Variants in RFTN1 observed in about 807,000 individuals in gnomAD.
RFTN1 encodes the protein raftlin, lipid raft linker 1, also known as raftlin.
A neutral mutation model predicts 46.5 loss-of-function variants in RFTN1; 26 were observed. The ratio of observed to expected loss-of-function variants is 0.56; its 90% CI spans 0.41 to 0.78. RFTN1 has a LOEUF of 0.78. RFTN1 is among the 30% of genes least tolerant of loss of function. The pLI, the probability that RFTN1 is intolerant of heterozygous loss-of-function variation, is 0.00. For synonymous variants in RFTN1, 261 were observed against 284.2 expected, an observed-to-expected ratio of 0.92 and a Z score of 0.82; for missense variants, 693 against 718.7, an observed-to-expected ratio of 0.96 and a Z score of 0.41.
Position 16,345,904 on chromosome 3 carries a change from A to G in RFTN1, c.1146+12028T>C, listed in dbSNP as rs1306134679. ...CTGTTTTACTGGAGAACCCTAATAC[A>G]CTTCTTTCTTGTTGTTCTGTGGCAT... is the stretch of plus-strand genomic sequence containing the variant. On this transcript the variant is annotated intron_variant, in intron 7 of 9. Coordinates refer to ENST00000334133, the MANE Select transcript of RFTN1 (RefSeq NM_015150.2). This position sits in a 1 kb window ranked among gnomAD's most constrained non-coding sequence, Gnocchi z 5.2. 1.3e-5 allele frequency: 2 copies of G among 151,562 alleles called. No homozygotes were observed. Among genetic ancestry groups the G allele is most frequent in the African/African-American group, 4.9e-5 (2 of 41,188 alleles). The allele number at this position is 151,562 out of a possible 1,614,324, so 9.4% of individuals were successfully genotyped here.
Position 16,376,361 on chromosome 3 carries a change from C to T in RFTN1, c.826+1357G>A, listed in dbSNP as rs1257596945. 6.6e-6 allele frequency among the ~76,000 whole-genome samples: 1 copy of T among 152,184 alleles called. No individual in the cohort carries two copies. The highest frequency in any genetic ancestry group is 1.5e-5 in the Non-Finnish European group (1 of 68,030). ...TTCTTGAGCACCATGCTCCTCACCTCTCCATCACTCCTGCCCTTTCTCCTG... is the reference window on the plus strand; with the variant it reads ...TTCTTGAGCACCATGCTCCTCACCTTTCCATCACTCCTGCCCTTTCTCCTG... On this transcript the variant is annotated intron_variant, in intron 5 of 9. Coordinates refer to ENST00000334133, the MANE Select transcript of RFTN1 (RefSeq NM_015150.2). The surrounding 1 kb of genome is among the most constrained non-coding windows in gnomAD (Gnocchi z 4.7).
In RFTN1 at chr3:16,358,064, A is replaced by T; in HGVS notation, c.1031-17T>A. 1.0e-4 allele frequency: 36 copies of T among 351,100 alleles called. No homozygotes were observed. Among genetic ancestry groups the T allele is most frequent in the Non-Finnish European group, 1.5e-4 (32 of 215,990 alleles). 21.7% of individuals were successfully genotyped at this position (351,100 alleles called of 1,614,324 possible). On this transcript the variant is annotated splice_polypyrimidine_tract_variant and intron_variant, in intron 6 of 9. Coordinates refer to ENST00000334133, the MANE Select transcript of RFTN1 (RefSeq NM_015150.2). ...GTAAGGAATCTGTGGAAAAAGAAAA[A>T]GGCGGGGGTGGGGGGGGTCTGTAAA... is the stretch of plus-strand genomic sequence containing the variant.
At chr3:16,444,325 C>T (rs917663344) in intron 2 of RFTN1, among the ~76,000 whole-genome samples, 4 of 152,174 alleles carry the variant, frequency 2.6e-5, no homozygotes, top group African/African-American at 9.7e-5. Context: ...ACTGGATTTA[C>T]AATGTAAAAT....
chr3:16,392,718 T>C lies in RFTN1; in HGVS notation c.442-14616A>G, dbSNP rs139514062. On this transcript the variant is annotated intron_variant, in intron 4 of 9. Transcript: ENST00000334133. ...ATCATAAATAAAAGTCTGGAAATTT[T>C]CCTGGTGATAACAGCAAATTCCATA... Among the ~76,000 whole-genome samples the C allele has an allele frequency of 2.6e-5, 4 of 152,138 alleles. No homozygotes were observed. The East Asian group carries it at 5.8e-4, about 22-fold the overall frequency.
chr3:16,488,097 T>C (rs1427873964), intron 2 of RFTN1, among the ~76,000 whole-genome samples: 1 of 134,022 alleles, frequency 7.5e-6, no homozygotes, highest in Non-Finnish European at 1.6e-5. Context: ...ACTGTGATCC[T>C]GACTTTTTTT....
intron 9 of RFTN1, among the ~76,000 whole-genome samples, chr3:16,318,917 T>C (rs992367841): frequency 2.3e-4 from 35 of 152,178 alleles, no homozygotes; most frequent in African/African-American, 8.2e-4. Flanking sequence ...AAGTGGTGTC[T>C]CAGACCCACC....
chr3:16,346,563 C>A lies in RFTN1; in HGVS notation c.1146+11369G>T, dbSNP rs1029058434. 1 of 152,212 alleles carries A rather than the reference C, an allele frequency of 6.6e-6. No homozygotes were observed. The highest frequency in any genetic ancestry group is 2.4e-5 in the African/African-American group (1 of 41,428). The allele number at this position is 152,212 out of a possible 1,614,324, so 9.4% of individuals were successfully genotyped here. A position where few individuals can be genotyped will look rare whatever the true frequency, so the allele number is the denominator to read the frequency against. On this transcript the variant is annotated intron_variant, in intron 7 of 9. Coordinates refer to ENST00000334133, the MANE Select transcript of RFTN1 (RefSeq NM_015150.2). The surrounding 1 kb of genome is among the most constrained non-coding windows in gnomAD (Gnocchi z 4.4). ...TCTGTTGGCTGCCAAAGCCAACAGC[C>A]CCTCGATGGCCCAGGGCTTCTTCCT... is the stretch of plus-strand genomic sequence containing the variant.
chr3:16,438,489 G>A (rs1299945840), intron 2 of RFTN1, among the ~76,000 whole-genome samples: 1 of 148,866 alleles, frequency 6.7e-6, no homozygotes, highest in Admixed American at 6.8e-5. Flanking sequence ...GGGGGCTGAG[G>A]AGGGAGGATC....
At chr3:16,375,257 A>G (rs1322287426) in intron 5 of RFTN1, among the ~76,000 whole-genome samples, 1 of 151,980 alleles carries the variant, frequency 6.6e-6, no homozygotes, top group African/African-American at 2.4e-5. Context: ...GCTTCCTAGG[A>G]GAAAGATTAG....
Position 16,337,674 on chromosome 3 carries a change from G to A in RFTN1, c.1147-10798C>T, listed in dbSNP as rs1218377706. Among the ~76,000 whole-genome samples the A allele has an allele frequency of 1.3e-5, 2 of 151,494 alleles. No individual in the cohort carries two copies. Among genetic ancestry groups the A allele is most frequent in the African/African-American group, 4.9e-5 (2 of 41,160 alleles). On this transcript the variant is annotated intron_variant, in intron 7 of 9. Coordinates refer to ENST00000334133, the MANE Select transcript of RFTN1 (RefSeq NM_015150.2). This position sits in a 1 kb window ranked among gnomAD's most constrained non-coding sequence, Gnocchi z 5.0. ...GGAGAATCGCTTGAACCCAGGAGGC[G>A]GAGGTTGCAGTGAGCCCAGATTGCG...
chr3:16,488,287 T>A (rs1291311834), intron 2 of RFTN1, among the ~76,000 whole-genome samples: 1 of 152,140 alleles, frequency 6.6e-6, no homozygotes, highest in Non-Finnish European at 1.5e-5. Flanking sequence ...TTAGTAGAGA[T>A]GGGGTTTCTC....
At position 16,316,479 on chromosome 3, in the gene RFTN1, G is replaced by A. The variant is rs994621466; in HGVS notation, c.*349C>T. The stretch of plus-strand genomic sequence containing the variant: ...CCCAGGGTGTCCATGGATTTGACCC[G>A]AATGCTCCCTGGAGGCCCTGTGGCG... On this transcript the variant is annotated 3_prime_UTR_variant, in exon 10 of 10. Coordinates refer to ENST00000334133, the MANE Select transcript of RFTN1 (RefSeq NM_015150.2). The surrounding 1 kb of genome is among the most constrained non-coding windows in gnomAD (Gnocchi z 4.5). 4 of 323,020 alleles carry A rather than the reference G, an allele frequency of 1.2e-5. No individual in the cohort carries two copies. The highest frequency in any genetic ancestry group is 4.4e-5 in the African/African-American group (2 of 44,994). The allele number at this position is 323,020 out of a possible 1,614,324, so 20.0% of individuals were successfully genotyped here.
At position 16,450,183 on chromosome 3, in the gene RFTN1, C is replaced by T. The variant is rs2075800017; in HGVS notation, c.146-16146G>A. On this transcript the variant is annotated intron_variant, in intron 2 of 9. Transcript: ENST00000334133. The surrounding 1 kb of genome is among the most constrained non-coding windows in gnomAD (Gnocchi z 4.6). ...TCAGCTTCTCCACTTTCCTTCCTAA[C>T]CCACAATTTTTAATTTCCTCTACTA... is the stretch of plus-strand genomic sequence containing the variant. Among the ~76,000 whole-genome samples the T allele has an allele frequency of 6.6e-6, 1 of 152,196 alleles. No individual in the cohort carries two copies. The highest frequency in any genetic ancestry group is 2.4e-5 in the African/African-American group (1 of 41,450).
At position 16,451,482 on chromosome 3, in the gene RFTN1, G is replaced by T. The variant is rs2075822718; in HGVS notation, c.146-17445C>A. ...CAAACCTGTTTATGCCAGTTGCACTGGTTATAATGAATAAGCCTAATCAAA... is the reference window on the plus strand; with the variant it reads ...CAAACCTGTTTATGCCAGTTGCACTTGTTATAATGAATAAGCCTAATCAAA... On this transcript the variant is annotated intron_variant, in intron 2 of 9. Coordinates refer to ENST00000334133, the MANE Select transcript of RFTN1 (RefSeq NM_015150.2). This position sits in a 1 kb window ranked among gnomAD's most constrained non-coding sequence, Gnocchi z 4.2. Among the ~76,000 whole-genome samples the T allele has an allele frequency of 6.6e-6, 1 of 152,076 alleles. No homozygotes were observed. The highest frequency in any genetic ancestry group is 1.5e-5 in the Non-Finnish European group (1 of 68,016).
chr3:16,334,724 C>CAA lies in RFTN1; in HGVS notation c.1147-7850_1147-7849dup, dbSNP rs1461126395. On this transcript the variant is annotated intron_variant, in intron 7 of 9. Coordinates refer to ENST00000334133, the MANE Select transcript of RFTN1 (RefSeq NM_015150.2). The surrounding 1 kb of genome is among the most constrained non-coding windows in gnomAD (Gnocchi z 4.3). ...CCTGTGGTAGACAGAATAATGGCCC[C>CAA]AAAGATGTCTACAGCCTAATCCCAG... is the stretch of plus-strand genomic sequence containing the variant. Among the ~76,000 whole-genome samples, 1 of 152,168 alleles carries CAA rather than the reference C, an allele frequency of 6.6e-6. No individual in the cohort carries two copies. Among genetic ancestry groups the CAA allele is most frequent in the Non-Finnish European group, 1.5e-5 (1 of 68,026 alleles).
At position 16,387,868 on chromosome 3, in the gene RFTN1, C is replaced by T. The variant is rs2074243699; in HGVS notation, c.442-9766G>A. On this transcript the variant is annotated intron_variant, in intron 4 of 9. Transcript: ENST00000334133. This position sits in a 1 kb window ranked among gnomAD's most constrained non-coding sequence, Gnocchi z 5.2. Reference sequence around the variant, plus strand: ...CACCACCCCATCCTCTCTGGTAGCTCATGCATTCCCCTCCTCCTGGAGATG... The same window carrying T: ...CACCACCCCATCCTCTCTGGTAGCTTATGCATTCCCCTCCTCCTGGAGATG... Among the ~76,000 whole-genome samples the T allele has an allele frequency of 6.6e-6, 1 of 150,908 alleles. No individual in the cohort carries two copies. Among genetic ancestry groups the T allele is most frequent in the South Asian group, 2.1e-4 (1 of 4,826 alleles).
In RFTN1 at chr3:16,404,313, T is replaced by A. The variant is rs867498061; in HGVS notation, c.441+5062A>T. Among the ~76,000 whole-genome samples the A allele has an allele frequency of 9.9e-4, 16 of 16,090 alleles. 3 individuals are homozygous for A. The highest frequency in any genetic ancestry group is 3.0e-3 in the African/African-American group (8 of 2,640). The allele number at this position is 16,090 out of a possible 152,430, so 10.6% of individuals were successfully genotyped here. A position where few individuals can be genotyped will look rare whatever the true frequency, so the allele number is the denominator to read the frequency against. On this transcript the variant is annotated intron_variant, in intron 4 of 9. Transcript: ENST00000334133. Reference sequence around the variant, plus strand: ...TAATATATATAATATGTAATATATATTATATATAATATATAATATATAATA... The same window carrying A: ...TAATATATATAATATGTAATATATAATATATATAATATATAATATATAATA...
At chr3:16,494,418 T>C (rs886801090) in intron 1 of RFTN1, among the ~76,000 whole-genome samples, 1 of 152,202 alleles carries the variant, frequency 6.6e-6, no homozygotes, top group Non-Finnish European at 1.5e-5. Flanking sequence ...GATGGTGGTA[T>C]TTTTATGGGC....
chr3:16,423,971 A>T (rs764229500), intron 3 of RFTN1, among the ~76,000 whole-genome samples: 1 of 152,192 alleles, frequency 6.6e-6, no homozygotes, highest in African/African-American at 2.4e-5. Flanking sequence ...GCATATAATC[A>T]TTTGGTGCAG....
Sources: allele counts gnomAD v4.1 joint callset (sites outside exome capture counted in the v4.1 genomes callset), GRCh38; gene constraint gnomAD v4.1.1; non-coding constraint Gnocchi (gnomAD v3.1); transcripts MANE v1.5; gene names NCBI Gene and HGNC (gene_info 2026-07-23, HGNC 2026-07-21).